Variants in PLCG2 observed in about 807,000 individuals in gnomAD.
PLCG2 encodes the protein phospholipase C gamma 2, also known as 1-phosphatidylinositol 4,5-bisphosphate phosphodiesterase gamma-2.
In PLCG2, 69 loss-of-function variants were observed where a neutral mutation model predicts 175.6. That is an observed-to-expected ratio of 0.39 (90% CI 0.32 to 0.48). The LOEUF is 0.48. PLCG2 is among the 20% of genes least tolerant of loss of function. PLCG2 has a pLI of 0.91. For synonymous variants in PLCG2, 827 were observed against 624.0 expected (o/e 1.33, Z -4.85); for missense variants, 1,798 against 1,650.9 (o/e 1.09, Z -1.54).
chr16:81,953,945 G>A (rs1359722634), intron 31 of PLCG2, among the ~76,000 whole-genome samples: 1 of 152,148 alleles, frequency 6.6e-6, no homozygotes, highest in Non-Finnish European at 1.5e-5. Context: ...TAAAACAACA[G>A]AAGCCATTTT....
At chr16:81,934,586 T>G in intron 26 of PLCG2, 55 bp downstream of exon 26, 1 of 1,047,160 alleles carries the variant, frequency 9.5e-7, no homozygotes, top group Non-Finnish European at 1.5e-6. Flanking sequence ...TTAACTTCCT[T>G]TAGAGTCTGA....
intron 24 of PLCG2, among the ~76,000 whole-genome samples, chr16:81,929,630 A>T (rs1910419825): frequency 6.6e-6 from 1 of 152,206 alleles, no homozygotes; most frequent in Admixed American, 6.5e-5. Context: ...TGCTGACCTC[A>T]AGTGATCTGC....
chr16:81,838,047 A>G (rs535076790), intron 2 of PLCG2, among the ~76,000 whole-genome samples: 171 of 151,992 alleles, frequency 1.1e-3, no homozygotes, highest in Non-Finnish European at 2.2e-3. Context: ...TTCCATTTCC[A>G]AAATTTTAAC....
chr16:81,899,163 C>T (rs4889433), intron 13 of PLCG2, among the ~76,000 whole-genome samples: 94,071 of 151,550 alleles, frequency 0.62, 29,598 homozygotes, highest in East Asian at 0.78. Context: ...CACTCCATCC[C>T]GGGCAATGAG....
At chr16:81,807,754 G>T (rs904249263) in intron 2 of PLCG2, among the ~76,000 whole-genome samples, 11 of 152,180 alleles carry the variant, frequency 7.2e-5, no homozygotes, top group African/African-American at 2.7e-4. Flanking sequence ...TCACAGTTCA[G>T]CATGGCTGGA....
Position 81,928,587 on chromosome 16 carries a change from T to C in PLCG2, c.2544T>C (p.Leu848=), listed in dbSNP as rs373866566. ...QIIEDNPLGS[L]CRGILDLNTY... ...TTGAAGACAATCCCTTAGGGTCTCT[T>C]TGCAGAGGAATATTGGACCTCAATA... The change falls in exon 24 of 33, where the codon CTT becomes CTC. Residue 848 remains leucine (L), a synonymous_variant. Transcript: ENST00000564138. 1.9e-6 allele frequency: 3 copies of C among 1,609,584 alleles called. No individual in the cohort carries two copies. The highest frequency in any genetic ancestry group is 2.6e-6 in the Non-Finnish European group (3 of 1,175,928).
At chr16:81,801,371 G>T (rs148636731) in intron 2 of PLCG2, among the ~76,000 whole-genome samples, 1 of 151,978 alleles carries the variant, frequency 6.6e-6, no homozygotes, top group African/African-American at 2.4e-5. Flanking sequence ...TGTTTTGCAG[G>T]TCTTTACATA....
At chr16:81,908,248 G>T (rs1004169278) in intron 16 of PLCG2, among the ~76,000 whole-genome samples, 168 bp from the exon 17 acceptor site, 4 of 152,216 alleles carry the variant, frequency 2.6e-5, no homozygotes, top group Non-Finnish European at 5.9e-5. Flanking sequence ...GCAGGCAGAG[G>T]AGGGTAGCAG....
At chr16:81,900,851 G>A (rs1002649334) in intron 14 of PLCG2, 71 bp downstream of exon 14, 25 of 1,392,242 alleles carry the variant, frequency 1.8e-5, no homozygotes, top group South Asian at 3.9e-5. Flanking sequence ...TCTGGGTCCC[G>A]TTCACCAAGT....
At chr16:81,832,858 A>G (rs938638236) in intron 2 of PLCG2, among the ~76,000 whole-genome samples, 5 of 152,160 alleles carry the variant, frequency 3.3e-5, no homozygotes, top group South Asian at 2.1e-4. Context: ...ATTAGCCATA[A>G]GAGAGCAGGC....
Position 81,959,969 on chromosome 16 carries a change from C to T in PLCG2, c.*1971C>T, listed in dbSNP as rs112315567. The T allele has an allele frequency of 4.9e-6, 1 of 205,940 alleles. No homozygotes were observed. The highest frequency in any genetic ancestry group is 2.3e-5 in the African/African-American group (1 of 43,760). 12.8% of individuals were successfully genotyped at this position (205,940 alleles called of 1,614,324 possible). On this transcript the variant is annotated 3_prime_UTR_variant, in exon 33 of 33. Coordinates refer to ENST00000564138, the MANE Select transcript of PLCG2 (RefSeq NM_002661.5). The stretch of plus-strand genomic sequence containing the variant: ...GGTTTTTTGCTACCATATCAAAGAA[C>T]CTGACATATGGCGGCATAGGAAGCA...
At chr16:81,897,594 A>G (rs1470141417) in intron 13 of PLCG2, among the ~76,000 whole-genome samples, 4 of 133,520 alleles carry the variant, frequency 3.0e-5, no homozygotes, top group Non-Finnish European at 6.1e-5. Context: ...CGCCCAGGCT[A>G]GAGTGCAATG....
intron 2 of PLCG2, among the ~76,000 whole-genome samples, chr16:81,819,088 CA>C (rs1904682078): frequency 6.6e-6 from 1 of 152,090 alleles, no homozygotes; most frequent in South Asian, 2.1e-4. Flanking sequence ...CAAGTCTACA[CA>C]GCGGGGCATG....
intron 1 of PLCG2, among the ~76,000 whole-genome samples, chr16:81,782,046 G>C (rs1158345080): frequency 6.6e-6 from 1 of 151,976 alleles, no homozygotes; most frequent in Non-Finnish European, 1.5e-5. Flanking sequence ...TAATTGTTTT[G>C]TATTTTTTTT....
intron 2 of PLCG2, among the ~76,000 whole-genome samples, chr16:81,849,664 G>A (rs1169671825): frequency 6.6e-6 from 1 of 151,562 alleles, no homozygotes; most frequent in East Asian, 1.9e-4. Flanking sequence ...CCAGCTACTC[G>A]GGAGGCTGAG....
chr16:81,893,960 TC>T (rs1376074406), intron 12 of PLCG2, among the ~76,000 whole-genome samples, 166 bp downstream of exon 12: 5 of 149,996 alleles, frequency 3.3e-5, no homozygotes, highest in African/African-American at 1.3e-4. Flanking sequence ...CTTTTTTCTT[TC>T]TTTTTTTTTT....
chr16:81,893,567 C>T, intron 11 of PLCG2, 142 bp from the exon 12 acceptor site: 1 of 658,174 alleles, frequency 1.5e-6, no homozygotes. Context: ...TAGGCCTTAG[C>T]TTTGAGTCTT....
intron 31 of PLCG2, among the ~76,000 whole-genome samples, chr16:81,953,091 C>A (rs369047353): frequency 3.0e-4 from 45 of 152,304 alleles, no homozygotes; most frequent in African/African-American, 9.1e-4. Context: ...AGACACCAGA[C>A]AAAAGTTGCT....
At chr16:81,947,252 C>T (rs1444588939) in intron 31 of PLCG2, among the ~76,000 whole-genome samples, 1 of 152,184 alleles carries the variant, frequency 6.6e-6, no homozygotes, top group Admixed American at 6.5e-5. Context: ...GCCGGGGCTG[C>T]CACTGTAGGG....
Sources: allele counts gnomAD v4.1 joint callset (sites outside exome capture counted in the v4.1 genomes callset), GRCh38; gene constraint gnomAD v4.1.1; transcripts MANE v1.5; gene names NCBI Gene and HGNC (gene_info 2026-07-23, HGNC 2026-07-21).